The following LRRC49 variants were observed in gnomAD, a reference collection of about 807,000 sequenced individuals.
LRRC49 encodes leucine rich repeat containing 49.
Under a neutral mutation model 83.3 loss-of-function variants are expected in LRRC49, and 50 were observed. That is an observed-to-expected ratio of 0.60 (90% CI 0.48 to 0.76). The LOEUF (loss-of-function observed/expected upper bound fraction) is 0.76. Among genes scored for constraint, LRRC49 ranks in the 30% least tolerant of loss-of-function variants. LRRC49 has a pLI of 0.00. For synonymous variants in LRRC49, 286 were observed against 283.3 expected, an observed-to-expected ratio of 1.01 and a Z score of -0.10; for missense variants, 704 against 809.1, an observed-to-expected ratio of 0.87 and a Z score of 1.58.
intron 11 of LRRC49, among the ~76,000 whole-genome samples, chr15:70,990,829 A>G (rs891251317): frequency 3.0e-4 from 46 of 152,078 alleles, no homozygotes; most frequent in African/African-American, 1.1e-3. Flanking sequence ...CCTAACACCA[A>G]TCACTTCCCT....
At chr15:70,898,244 A>C in intron 3 of LRRC49, 1 of 589,984 alleles carries the variant, frequency 1.7e-6, no homozygotes, top group South Asian at 2.1e-5. Context: ...ACTTCTTAAC[A>C]CTTTGAGATG....
intron 4 of LRRC49, among the ~76,000 whole-genome samples, chr15:70,901,337 C>T (rs1295257544): frequency 6.6e-6 from 1 of 152,200 alleles, no homozygotes; most frequent in Admixed American, 6.5e-5. Flanking sequence ...ATGAGCTTCC[C>T]AGGCCCTATC....
At position 70,882,875 on chromosome 15, in the gene LRRC49, G is replaced by A. The variant is rs771186877; in HGVS notation, c.18+9652G>A. On this transcript the variant is annotated intron_variant, in intron 2 of 16. Coordinates refer to the LRRC49 transcript ENST00000544974. ...GTATTAGATGGATTATCAGCATGGG[G>A]TTGGGTTTGCACAAGTTCATTTTCA... 7.4e-6 allele frequency: 12 copies of A among 1,614,078 alleles called. No homozygotes were observed. In the Admixed American group the frequency reaches 2.0e-4, roughly 27 times the overall value.
chr15:70,980,253 T>G, intron 10 of LRRC49, 69 bp downstream of exon 10: 13 of 1,055,256 alleles, frequency 1.2e-5, no homozygotes, highest in South Asian at 1.6e-5. Flanking sequence ...GCCAGCTAGC[T>G]AGTCTACTGG....
chr15:70,950,613 T>C (rs1384896857), intron 8 of LRRC49, among the ~76,000 whole-genome samples: 8 of 152,234 alleles, frequency 5.3e-5, no homozygotes, highest in African/African-American at 1.7e-4. Flanking sequence ...TGGGGTTATT[T>C]GTTTTTTGCT....
chr15:70,950,472 G>A (rs562437718), intron 8 of LRRC49, among the ~76,000 whole-genome samples: 40 of 151,010 alleles, frequency 2.6e-4, no homozygotes, highest in African/African-American at 7.7e-4. Flanking sequence ...TTTCACCAGC[G>A]TATCATTGTG....
At chr15:70,940,265 T>G (rs1210181654) in intron 8 of LRRC49, among the ~76,000 whole-genome samples, 3 of 148,498 alleles carry the variant, frequency 2.0e-5, no homozygotes, top group Non-Finnish European at 4.5e-5. Flanking sequence ...TTTTTTTTTT[T>G]TTTTTTTTTG....
At chr15:71,036,554 A>T (rs561229288) in intron 14 of LRRC49, among the ~76,000 whole-genome samples, 1 of 152,280 alleles carries the variant, frequency 6.6e-6, no homozygotes, top group South Asian at 2.1e-4. Flanking sequence ...TGGAGGACGA[A>T]TCATGGCTGA....
intron 14 of LRRC49, among the ~76,000 whole-genome samples, chr15:71,019,765 A>G (rs1027656526): frequency 1.5e-4 from 23 of 152,220 alleles, no homozygotes; most frequent in African/African-American, 5.3e-4. Flanking sequence ...ACACATAACT[A>G]GTTTAAAATA....
chr15:70,941,479 G>C (rs1345491157), intron 8 of LRRC49, among the ~76,000 whole-genome samples: 1 of 151,062 alleles, frequency 6.6e-6, no homozygotes, highest in Non-Finnish European at 1.5e-5. Context: ...GAGTTCATGG[G>C]GCAGGGGTAG....
chr15:70,920,527 C>T (rs2034969566), intron 7 of LRRC49, among the ~76,000 whole-genome samples: 1 of 152,142 alleles, frequency 6.6e-6, no homozygotes, highest in African/African-American at 2.4e-5. Context: ...GTCCTTAGGA[C>T]CTTGGGTCTG....
chr15:70,924,345 G>A (rs2035117546), intron 7 of LRRC49, among the ~76,000 whole-genome samples: 1 of 151,604 alleles, frequency 6.6e-6, no homozygotes, highest in South Asian at 2.1e-4. Context: ...TTACTTAGAT[G>A]TTATTTCATG....
At chr15:70,980,304 A>C in intron 10 of LRRC49, 120 bp downstream of exon 10, 1 of 592,482 alleles carries the variant, frequency 1.7e-6, no homozygotes, top group South Asian at 3.0e-5. Context: ...TGTTCCTATC[A>C]ACAGAATGTA....
chr15:71,024,723 C>T (rs1161376291), intron 14 of LRRC49, among the ~76,000 whole-genome samples: 1 of 151,200 alleles, frequency 6.6e-6, no homozygotes, highest in Non-Finnish European at 1.5e-5. Flanking sequence ...ATGATCACAA[C>T]ACCTCTCCAG....
At chr15:70,956,104 C>A (rs549359851) in intron 8 of LRRC49, among the ~76,000 whole-genome samples, 2 of 152,178 alleles carry the variant, frequency 1.3e-5, no homozygotes, top group Middle Eastern at 3.4e-3. Flanking sequence ...AAGTACTTAG[C>A]TTACTTAGGG....
intron 7 of LRRC49, among the ~76,000 whole-genome samples, chr15:70,929,129 T>A (rs1237167997): frequency 6.6e-6 from 1 of 152,232 alleles, no homozygotes; most frequent in African/African-American, 2.4e-5. Context: ...ATTGAGTTTT[T>A]AAAAATGACC....
intron 14 of LRRC49, among the ~76,000 whole-genome samples, chr15:71,030,008 A>AGCC (rs1387282954): frequency 6.6e-6 from 1 of 152,202 alleles, no homozygotes; most frequent in Non-Finnish European, 1.5e-5. Context: ...TGGGGCATTT[A>AGCC]GCCCATTTAC....
intron 8 of LRRC49, among the ~76,000 whole-genome samples, chr15:70,939,901 C>G (rs1313623936): frequency 2.8e-5 from 4 of 142,010 alleles, no homozygotes; most frequent in Non-Finnish European, 4.5e-5. Context: ...TCTCTAATGA[C>G]CTTTGTTAGT....
rs1234604115 is a variant in LRRC49 at position 70,854,107 on chromosome 15, G to A, written c.-299+638G>A. 8 of 1,245,944 alleles carry A rather than the reference G, an allele frequency of 6.4e-6. No individual in the cohort carries two copies. In the Admixed American group the frequency reaches 2.0e-4, roughly 32 times the overall value. The allele number at this position is 1,245,944 out of a possible 1,614,324, so 77.2% of individuals were successfully genotyped here. ...GGGCCATGGCTCGCGGGACTGCGGC[G>A]CCGCCGGGGTCCTCACGCCGCAAGG... is the stretch of plus-strand genomic sequence containing the variant. On this transcript the variant is annotated intron_variant, in intron 1 of 16. Transcript: ENST00000544974.
Sources: allele counts gnomAD v4.1 joint callset (sites outside exome capture counted in the v4.1 genomes callset), GRCh38; gene constraint gnomAD v4.1.1; transcripts MANE v1.5; gene names NCBI Gene and HGNC (gene_info 2026-07-23, HGNC 2026-07-21).